Variants in CNTN4 observed in about 807,000 individuals in gnomAD.
The protein encoded by CNTN4 is contactin 4, also known as contactin-4.
CNTN4 carries 77 observed loss-of-function variants against 122.5 expected under a neutral mutation model. That is an observed-to-expected ratio of 0.63 (90% CI 0.52 to 0.76). The LOEUF (loss-of-function observed/expected upper bound fraction) is 0.76, where lower values mean the gene tolerates loss of function less well. Ranked by LOEUF, CNTN4 falls within the 30% of genes least tolerant of loss-of-function variation. CNTN4 has a pLI of 0.00. For missense variants in CNTN4, 1,256 were observed against 1,259.1 expected (o/e 1.00, Z 0.04); for synonymous variants, 512 against 447.0 (o/e 1.15, Z -1.83).
intron 3 of CNTN4, among the ~76,000 whole-genome samples, chr3:2,520,119 C>G (rs1285472328): frequency 6.6e-6 from 1 of 151,782 alleles, no homozygotes; most frequent in Non-Finnish European, 1.5e-5. Flanking sequence ...TTTTGCTATG[C>G]CTAAGTAATT....
At chr3:2,493,112 A>G (rs1462550850) in intron 3 of CNTN4, among the ~76,000 whole-genome samples, 1 of 152,156 alleles carries the variant, frequency 6.6e-6, no homozygotes, top group Non-Finnish European at 1.5e-5. Flanking sequence ...TTAATTGTGC[A>G]TTTCCATCCT....
At chr3:2,200,910 T>A (rs949832128) in intron 2 of CNTN4, among the ~76,000 whole-genome samples, 4 of 152,132 alleles carry the variant, frequency 2.6e-5, no homozygotes, top group African/African-American at 9.7e-5. Flanking sequence ...AGCCATAATT[T>A]AAAATTTTGT....
chr3:3,011,945 T>G (rs1697277429), intron 14 of CNTN4, among the ~76,000 whole-genome samples: 1 of 152,128 alleles, frequency 6.6e-6, no homozygotes. Context: ...ATATCTTTAT[T>G]CAAACACTGA....
chr3:3,053,713 T>A (rs1452582044), intron 23 of CNTN4, 94 bp from the exon 24 acceptor site: 1 of 1,308,628 alleles, frequency 7.6e-7, no homozygotes, highest in African/African-American at 1.5e-5. Flanking sequence ...ATCCCTGCAT[T>A]TTGCTCGTGC....
At chr3:2,954,256 G>A (rs2094776091) in intron 13 of CNTN4, among the ~76,000 whole-genome samples, 2 of 152,084 alleles carry the variant, frequency 1.3e-5, no homozygotes, top group Admixed American at 6.6e-5. Context: ...AGAGAAAGAG[G>A]AAACTTCACC....
chr3:2,167,085 T>C (rs1197339881), intron 2 of CNTN4, among the ~76,000 whole-genome samples: 3 of 152,130 alleles, frequency 2.0e-5, no homozygotes. Flanking sequence ...AAAATATATA[T>C]GCAAGTTACA....
At chr3:2,786,445 T>C (rs1245645644) in intron 6 of CNTN4, among the ~76,000 whole-genome samples, 3 of 152,214 alleles carry the variant, frequency 2.0e-5, no homozygotes, top group African/African-American at 7.2e-5. Context: ...TGCACCTGCT[T>C]ACCTGCGTGC....
intron 5 of CNTN4, among the ~76,000 whole-genome samples, chr3:2,740,275 G>A (rs894026700): frequency 3.3e-5 from 5 of 152,098 alleles, no homozygotes; most frequent in Middle Eastern, 3.2e-3. Context: ...TGGGAAGATC[G>A]CTTGAGTCTA....
intron 3 of CNTN4, among the ~76,000 whole-genome samples, chr3:2,380,762 G>C (rs2045988825): frequency 6.6e-6 from 1 of 151,172 alleles, no homozygotes; most frequent in Non-Finnish European, 1.5e-5. Flanking sequence ...ATTCTCTCTA[G>C]AGTTTGTAGC....
intron 7 of CNTN4, among the ~76,000 whole-genome samples, chr3:2,846,071 T>A (rs1323249822): frequency 6.6e-6 from 1 of 152,190 alleles, no homozygotes; most frequent in Non-Finnish European, 1.5e-5. Flanking sequence ...AAATGCTGAA[T>A]ATTGGATTCT....
chr3:2,411,845 A>G (rs760732476), intron 3 of CNTN4, among the ~76,000 whole-genome samples: 2 of 152,192 alleles, frequency 1.3e-5, no homozygotes, highest in African/African-American at 2.4e-5. Flanking sequence ...TGTAGTATAC[A>G]TAATGTAAAA....
rs892422492 is a variant in CNTN4, at chr3:2,841,792, C to T, written c.454+22211C>T. 6.6e-6 allele frequency among the ~76,000 whole-genome samples: 1 copy of T among 151,592 alleles called. No individual in the cohort carries two copies. The highest frequency in any genetic ancestry group is 2.1e-4 in the South Asian group (1 of 4,824). On this transcript the variant is annotated intron_variant, in intron 7 of 24. Coordinates refer to ENST00000418658, the MANE Select transcript of CNTN4 (RefSeq NM_175607.3). The surrounding 1 kb of genome is among the most constrained non-coding windows in gnomAD (Gnocchi z 4.8). ...AGGAATTTTATTCTTCCTCCCTTGA[C>T]CACAAATATTAAACGTTTCACCAGG...
intron 3 of CNTN4, among the ~76,000 whole-genome samples, chr3:2,487,508 C>G (rs1042270226): frequency 6.6e-6 from 1 of 152,178 alleles, no homozygotes; most frequent in Non-Finnish European, 1.5e-5. Flanking sequence ...AATACATAAT[C>G]GTTGCCTTCA....
chr3:2,616,656 T>C (rs2081753980), intron 4 of CNTN4, among the ~76,000 whole-genome samples: 1 of 152,178 alleles, frequency 6.6e-6, no homozygotes, highest in African/African-American at 2.4e-5. Context: ...TCTTGACTTT[T>C]TAATAATCGC....
intron 4 of CNTN4, among the ~76,000 whole-genome samples, chr3:2,621,716 C>T (rs539485799): frequency 2.6e-4 from 39 of 152,100 alleles, no homozygotes; most frequent in African/African-American, 8.7e-4. Context: ...GGAATGAGAA[C>T]GAAATACAAT....
chr3:2,724,084 G>T (rs904230315), intron 4 of CNTN4, among the ~76,000 whole-genome samples: 1 of 152,114 alleles, frequency 6.6e-6, no homozygotes, highest in East Asian at 1.9e-4. Flanking sequence ...GATACATAGG[G>T]GTTATCTTTT....
intron 2 of CNTN4, among the ~76,000 whole-genome samples, chr3:2,290,424 A>G (rs1446786927): frequency 6.6e-6 from 1 of 152,206 alleles, no homozygotes. Flanking sequence ...TTATACGTAC[A>G]ACACCTGTTA....
intron 2 of CNTN4, among the ~76,000 whole-genome samples, chr3:2,266,756 G>C (rs529167898): frequency 6.6e-6 from 1 of 152,044 alleles, no homozygotes; most frequent in Non-Finnish European, 1.5e-5. Context: ...TGTTGGAGTC[G>C]TCTCAGAAGG....
At chr3:2,724,333 TA>T (rs1475912045) in intron 4 of CNTN4, among the ~76,000 whole-genome samples, 1 of 152,188 alleles carries the variant, frequency 6.6e-6, no homozygotes, top group Non-Finnish European at 1.5e-5. Context: ...TTACCTGCCA[TA>T]AACTTTATCT....
Sources: allele counts gnomAD v4.1 joint callset (sites outside exome capture counted in the v4.1 genomes callset), GRCh38; gene constraint gnomAD v4.1.1; non-coding constraint Gnocchi (gnomAD v3.1); transcripts MANE v1.5; gene names NCBI Gene and HGNC (gene_info 2026-07-23, HGNC 2026-07-21).